HERC1: variants seen among roughly 807,000 people sequenced by gnomAD.
The protein encoded by HERC1 is HECT and RLD domain containing E3 ubiquitin protein ligase family member 1.
In HERC1, 160 loss-of-function variants were observed where a neutral mutation model predicts 554.3. The ratio of observed to expected loss-of-function variants is 0.29; its 90% CI spans 0.25 to 0.33. HERC1 has a LOEUF of 0.33. Ranked by LOEUF, HERC1 falls within the 10% of genes least tolerant of loss-of-function variation. The pLI is 1.00. For synonymous variants in HERC1, 2,175 were observed against 2,131.7 expected (o/e 1.02, Z -0.56); for missense variants, 4,919 against 5,918.5 (o/e 0.83, Z 5.54).
chr15:63,672,822 AT>A, intron 38 of HERC1, 128 bp from the exon 39 acceptor site: 1 of 659,720 alleles, frequency 1.5e-6, no homozygotes, highest in Non-Finnish European at 2.6e-6. Flanking sequence ...ATCAATTTCT[AT>A]GAAAGATTGA....
chr15:63,662,126 T>A, intron 44 of HERC1, 105 bp from the exon 45 acceptor site: 9 of 1,165,290 alleles, frequency 7.7e-6, no homozygotes, highest in Non-Finnish European at 1.1e-5. Context: ...TATGCTAGAA[T>A]ATTTCCAACA....
rs1036667428 is a variant in HERC1, at chr15:63,749,612, G to C, written c.2047+35C>G. The C allele has an allele frequency of 3.1e-6, 5 of 1,590,488 alleles. 1 individual carries two copies. The African/African-American group carries it at 5.4e-5, about 17-fold the overall frequency. On this transcript the variant is annotated intron_variant, in intron 9 of 77. Transcript: ENST00000443617. This position sits in a 1 kb window ranked among gnomAD's most constrained non-coding sequence, Gnocchi z 4.1. ...TGTAATATATTTACACAAGACAACA[G>C]TTAATACTATTTCCTTAAAAACAAA...
chr15:63,790,123 T>C (rs928113435), intron 1 of HERC1, among the ~76,000 whole-genome samples: 41 of 152,312 alleles, frequency 2.7e-4, no homozygotes, highest in African/African-American at 8.2e-4. Context: ...ACCTCTATCA[T>C]TGCCATGAGG....
rs988798250 is a variant in HERC1 at position 63,660,075 on chromosome 15, C to A, written c.9224-139G>T. The A allele has an allele frequency of 1.7e-5, 12 of 719,226 alleles. No individual in the cohort carries two copies. In the African/African-American group the frequency reaches 1.8e-4, roughly 11 times the overall value. The allele number at this position is 719,226 out of a possible 1,614,324, so 44.6% of individuals were successfully genotyped here. A position where few individuals can be genotyped will look rare whatever the true frequency, so the allele number is the denominator to read the frequency against. ...GGCTCACGCCTGTAATCCCAACACT[C>A]TGGGAGGCCGAGGCGACTGGATCAC... On this transcript the variant is annotated intron_variant, in intron 46 of 77. Coordinates refer to ENST00000443617, the MANE Select transcript of HERC1 (RefSeq NM_003922.4).
chr15:63,712,634 A>G, intron 24 of HERC1, 141 bp downstream of exon 24: 1 of 616,274 alleles, frequency 1.6e-6, no homozygotes, highest in East Asian at 2.9e-5. Flanking sequence ...CATATATGCA[A>G]TATAGTTATT....
intron 8 of HERC1, among the ~76,000 whole-genome samples, chr15:63,750,759 C>T (rs897644399): frequency 1.3e-5 from 2 of 151,836 alleles, no homozygotes; most frequent in Admixed American, 6.6e-5. Flanking sequence ...TGGCAAGACC[C>T]GATCTCCACA....
chr15:63,645,316 C>T (rs1267033657), intron 56 of HERC1, among the ~76,000 whole-genome samples, 167 bp downstream of exon 56: 1 of 152,130 alleles, frequency 6.6e-6, no homozygotes, highest in Admixed American at 6.5e-5. Flanking sequence ...TCACACTGGA[C>T]AACTACTACT....
intron 4 of HERC1, among the ~76,000 whole-genome samples, chr15:63,757,898 T>C (rs2075482872): frequency 1.3e-5 from 2 of 151,576 alleles, no homozygotes; most frequent in South Asian, 4.2e-4. Flanking sequence ...TTAGTAGAGA[T>C]AGGGTTTCAC....
In HERC1 at chr15:63,680,011, A is replaced by G. The variant is rs1056514532; in HGVS notation, c.6549+66T>C. Reference sequence around the variant, plus strand: ...GAAGAAATAGCTTATTATATTTATAAACTCTATCTGATGCTAAACAATAAA... The same window carrying G: ...GAAGAAATAGCTTATTATATTTATAGACTCTATCTGATGCTAAACAATAAA... On this transcript the variant is annotated intron_variant, in intron 36 of 77. Coordinates refer to ENST00000443617, the MANE Select transcript of HERC1 (RefSeq NM_003922.4). This position sits in a 1 kb window ranked among gnomAD's most constrained non-coding sequence, Gnocchi z 5.8. The G allele has an allele frequency of 6.3e-6, 7 of 1,103,322 alleles. No homozygotes were observed. The highest frequency in any genetic ancestry group is 8.0e-6 in the Non-Finnish European group (6 of 749,332). 68.3% of individuals were successfully genotyped at this position (1,103,322 alleles called of 1,614,324 possible). A position where few individuals can be genotyped will look rare whatever the true frequency, so the allele number is the denominator to read the frequency against.
chr15:63,829,247 C>T (rs1200395984), intron 1 of HERC1, among the ~76,000 whole-genome samples: 1 of 151,360 alleles, frequency 6.6e-6, no homozygotes, highest in Admixed American at 6.6e-5. Context: ...AGCAGGACCT[C>T]GTCTCTACTA....
intron 47 of HERC1, among the ~76,000 whole-genome samples, chr15:63,659,390 T>G (rs1169537424): frequency 6.6e-6 from 1 of 152,146 alleles, no homozygotes; most frequent in Non-Finnish European, 1.5e-5. Flanking sequence ...TAGCTGGGAC[T>G]AAAGGTGCAC....
At chr15:63,707,721 G>A (rs1349120227) in intron 24 of HERC1, among the ~76,000 whole-genome samples, 2 of 152,048 alleles carry the variant, frequency 1.3e-5, no homozygotes, top group African/African-American at 4.8e-5. Flanking sequence ...TTGAGGCCAG[G>A]AGTTCGAGAC....
intron 3 of HERC1, among the ~76,000 whole-genome samples, chr15:63,760,055 G>T (rs1410201084): frequency 2.0e-5 from 3 of 151,998 alleles, no homozygotes; most frequent in Non-Finnish European, 4.4e-5. Context: ...ATACTGGCCA[G>T]CCAGGATTCC....
chr15:63,649,144 G>A (rs1490131556), intron 54 of HERC1, among the ~76,000 whole-genome samples: 1 of 152,186 alleles, frequency 6.6e-6, no homozygotes, highest in East Asian at 1.9e-4. Flanking sequence ...CACAAGGTGA[G>A]GAGATCGAGA....
At chr15:63,755,156 T>C (rs1259852719) in intron 6 of HERC1, 73 bp downstream of exon 6, 25 of 989,186 alleles carry the variant, frequency 2.5e-5, no homozygotes, top group Non-Finnish European at 2.8e-5. Flanking sequence ...GTAAATCTGC[T>C]CTCACGGCTT....
At chr15:63,725,557 T>C (rs1409401039) in intron 17 of HERC1, 44 bp from the exon 18 acceptor site, 13 of 1,499,450 alleles carry the variant, frequency 8.7e-6, no homozygotes, top group Non-Finnish European at 1.1e-5. Flanking sequence ...TCTGGTACTT[T>C]TAAGATTCAA....
At chr15:63,609,533 A>G (rs1438378831) in intron 77 of HERC1, among the ~76,000 whole-genome samples, 1 of 152,178 alleles carries the variant, frequency 6.6e-6, no homozygotes, top group East Asian at 1.9e-4. Flanking sequence ...GACTGGCAGG[A>G]TTGCTTGAGA....
At chr15:63,679,603 A>G (rs1032709042) in intron 36 of HERC1, among the ~76,000 whole-genome samples, 22 of 152,188 alleles carry the variant, frequency 1.4e-4, no homozygotes, top group African/African-American at 4.3e-4. Context: ...TGAAAGAGAA[A>G]GTTTACAATG....
In HERC1 at chr15:63,747,031, C is replaced by T; in HGVS notation, c.2407G>A (p.Ala803Thr). 1 of 1,595,144 alleles carries T rather than the reference C, an allele frequency of 6.3e-7. No homozygotes were observed. The highest frequency in any genetic ancestry group is 8.5e-7 in the Non-Finnish European group (1 of 1,171,116). The change falls in exon 12 of 78, where the codon GCT becomes ACT. Residue 803 changes from alanine (A) to threonine (T), a missense_variant. Around this residue, in one of 11 missense-constraint regions of HERC1, gnomAD observed 744 missense variants for 1,090.0 expected, o/e 0.68. Coordinates refer to ENST00000443617, the MANE Select transcript of HERC1 (RefSeq NM_003922.4). ...LCLKLLSNHL[A>T]LALAGGVATS... ...GCTACCCCTCCCGCAAGTGCAAGAG[C>T]AAGGTGATTTGAAAGTAGCTTCAGG...
Sources: allele counts gnomAD v4.1 joint callset (sites outside exome capture counted in the v4.1 genomes callset), GRCh38; gene constraint gnomAD v4.1.1; regional missense constraint gnomAD v4.1.1; non-coding constraint Gnocchi (gnomAD v3.1); transcripts MANE v1.5; gene names NCBI Gene and HGNC (gene_info 2026-07-23, HGNC 2026-07-21).